The following PHF3 variants were observed in gnomAD, a reference collection of about 807,000 sequenced individuals.
The protein encoded by PHF3 is PHD finger protein 3.
PHF3 carries 41 observed loss-of-function variants against 178.4 expected under a neutral mutation model. The observed-to-expected ratio is 0.23, with a 90% CI of 0.18 to 0.30. The LOEUF is 0.30. Among genes scored for constraint, PHF3 ranks in the 10% least tolerant of loss-of-function variants. The probability of loss-of-function intolerance (pLI) is 1.00; values close to 1 mark genes in which losing one functional copy is unlikely to be tolerated. For synonymous variants in PHF3, 842 were observed against 800.5 expected, an observed-to-expected ratio of 1.05 and a Z score of -0.88; for missense variants, 2,346 against 2,398.1, an observed-to-expected ratio of 0.98 and a Z score of 0.45.
At position 63,724,516 on chromosome 6, in the gene PHF3, CAG is replaced by C. The variant is rs1300803905; in HGVS notation, c.*10810_*10811del. 6.6e-6 allele frequency among the ~76,000 whole-genome samples: 1 copy of C among 152,048 alleles called. No homozygotes were observed. The highest frequency in any genetic ancestry group is 1.5e-5 in the Non-Finnish European group (1 of 68,002). On this transcript the variant is annotated 3_prime_UTR_variant, in exon 16 of 16. Transcript: ENST00000262043. Reference sequence around the variant, plus strand: ...CACGTTGGGAGGATTATAACTATATCAGATGAATTCAGGCTTTGATTAATTTG... The same window carrying C: ...CACGTTGGGAGGATTATAACTATATCATGAATTCAGGCTTTGATTAATTTG...
At chr6:63,669,863 A>C (rs1765835027) in intron 2 of PHF3, among the ~76,000 whole-genome samples, 10 of 152,162 alleles carry the variant, frequency 6.6e-5, no homozygotes, top group Admixed American at 5.9e-4. Flanking sequence ...TACATATAAT[A>C]ATAATTTTTT....
At position 63,684,516 on chromosome 6, in the gene PHF3, T is replaced by C. The variant is rs751909821; in HGVS notation, c.794T>C (p.Ile265Thr). 5.6e-5 allele frequency: 91 copies of C among 1,613,258 alleles called. No individual in the cohort carries two copies. The highest frequency in any genetic ancestry group is 4.9e-4 in the Middle Eastern group (3 of 6,084). ...CSLLSETCVT[I>T]GEKKNEALME... ...CTTCTTTCAGAGACTTGTGTTACTA[T>C]TGGAGAAAAGAAAAATGAAGCTTTG... The change falls in exon 4 of 16, where the codon ATT (isoleucine) becomes ACT (threonine). Residue 265 changes from isoleucine to threonine, a missense_variant. Around this residue, in one of 8 missense-constraint regions of PHF3, gnomAD observed 843 missense variants for 795.2 expected, o/e 1.06. Transcript: ENST00000262043.
Position 63,712,005 on chromosome 6 carries a change from C to T in PHF3, c.4417C>T (p.Leu1473Phe). The T allele has an allele frequency of 6.2e-7, 1 of 1,613,680 alleles. No homozygotes were observed. Among genetic ancestry groups the T allele is most frequent in the East Asian group, 2.2e-5 (1 of 44,856 alleles). Residue 1473 changes from leucine (L) to phenylalanine (F), a missense_variant, in exon 16 of 16, where the codon CTT becomes TTT. Around this residue, in one of 8 missense-constraint regions of PHF3, gnomAD observed 839 missense variants for 806.9 expected, o/e 1.04. Transcript: ENST00000262043. ...PLPVDDILQS[L>F]LGTTGQVYDQ... ...TCCTGTGGATGATATACTTCAAAGC[C>T]TTTTGGGCACCACTGGTCAAGTATA...
At chr6:63,711,045 C>T in intron 14 of PHF3, 122 bp from the exon 15 acceptor site, 4 of 625,668 alleles carry the variant, frequency 6.4e-6, no homozygotes, top group African/African-American at 1.9e-5. Flanking sequence ...GTTGGTAAAC[C>T]ACGTTATTTG....
Position 63,717,848 on chromosome 6 carries a change from ATTAT to A in PHF3, c.*4145_*4148del, listed in dbSNP as rs1561991803. On this transcript the variant is annotated 3_prime_UTR_variant, in exon 16 of 16. Transcript: ENST00000262043. Reference sequence around the variant, plus strand: ...AAGTAATGATTTTTTTCAGGAACTTATTATTTATAAGGAGACCAAAAAGGTAAAT... The same window carrying A: ...AAGTAATGATTTTTTTCAGGAACTTATTATAAGGAGACCAAAAAGGTAAAT... Among the ~76,000 whole-genome samples the A allele has an allele frequency of 6.6e-6, 1 of 152,046 alleles. No individual in the cohort carries two copies. The highest frequency in any genetic ancestry group is 1.5e-5 in the Non-Finnish European group (1 of 67,892).
chr6:63,664,015 G>T (rs1004103586), intron 2 of PHF3, among the ~76,000 whole-genome samples: 1 of 151,954 alleles, frequency 6.6e-6, no homozygotes, highest in Non-Finnish European at 1.5e-5. Flanking sequence ...AGATTGAAAA[G>T]TGTCATTTTT....
chr6:63,709,585 G>T (rs1462175912), intron 14 of PHF3, among the ~76,000 whole-genome samples: 1 of 152,164 alleles, frequency 6.6e-6, no homozygotes, highest in African/African-American at 2.4e-5. Flanking sequence ...GCAAAAAAGA[G>T]AATCTAAAAT....
At chr6:63,643,823 G>A (rs780319949) in intron 1 of PHF3, among the ~76,000 whole-genome samples, 7 of 152,042 alleles carry the variant, frequency 4.6e-5, no homozygotes, top group Non-Finnish European at 7.4e-5. Context: ...AAAAAAAATC[G>A]ATCTTCAAGA....
In PHF3 at chr6:63,680,127, A is replaced by G. The variant is rs1766365330; in HGVS notation, c.372A>G (p.Arg124=). The change falls in exon 3 of 16, where the codon AGA becomes AGG. Residue 124 remains arginine (R), a synonymous_variant. Coordinates refer to ENST00000262043, the MANE Select transcript of PHF3 (RefSeq NM_001370348.2). Reference sequence around the variant, plus strand: ...ACAAGGTAGAAGAAAATTCAGTGAGATCTCCAAGAAAATCACCTCGTTTAA... The same window carrying G: ...ACAAGGTAGAAGAAAATTCAGTGAGGTCTCCAAGAAAATCACCTCGTTTAA... ...LRDKVEENSV[R]SPRKSPRLMA... is the part of the protein sequence containing the mutation. 1 of 1,609,638 alleles carries G rather than the reference A, an allele frequency of 6.2e-7. No homozygotes were observed. The highest frequency in any genetic ancestry group is 8.5e-7 in the Non-Finnish European group (1 of 1,178,400).
intron 2 of PHF3, among the ~76,000 whole-genome samples, chr6:63,670,870 T>G (rs938870697): frequency 3.9e-5 from 6 of 152,216 alleles, no homozygotes; most frequent in Admixed American, 6.5e-5. Context: ...TTTCCTGGGC[T>G]ACTACAAATT....
At chr6:63,688,088 G>T (rs1489144487) in intron 4 of PHF3, among the ~76,000 whole-genome samples, 2 of 150,498 alleles carry the variant, frequency 1.3e-5, no homozygotes, top group East Asian at 2.0e-4. Flanking sequence ...GGAGGCTGAG[G>T]CAGGGGAATG....
At chr6:63,661,871 G>C (rs1765478994) in intron 2 of PHF3, among the ~76,000 whole-genome samples, 1 of 152,204 alleles carries the variant, frequency 6.6e-6, no homozygotes, top group South Asian at 2.1e-4. Context: ...TAGAATAGGA[G>C]GCTGTTCTGC....
chr6:63,679,803 A>C, intron 2 of PHF3, 197 bp from the exon 3 acceptor site: 2 of 625,212 alleles, frequency 3.2e-6, no homozygotes, highest in South Asian at 3.0e-5. Context: ...TTACTTTACA[A>C]GGTGGAAGTT....
intron 2 of PHF3, among the ~76,000 whole-genome samples, chr6:63,676,044 T>C (rs190931914): frequency 6.6e-6 from 1 of 152,308 alleles, no homozygotes; most frequent in East Asian, 1.9e-4. Context: ...TGTCTGATCT[T>C]TTTCCTTCAT....
rs186370923 is a variant in PHF3 at position 63,684,750 on chromosome 6, A to G, written c.1028A>G (p.Asp343Gly). 1 of 1,614,002 alleles carries G rather than the reference A, an allele frequency of 6.2e-7. No homozygotes were observed. Among genetic ancestry groups the G allele is most frequent in the Admixed American group, 1.7e-5 (1 of 60,022 alleles). ...DHILEDAGSS[D>G]ISSDAACTNP... is the part of the protein sequence containing the mutation. ...ATTCTTGAGGACGCTGGATCTTCTG[A>G]TATTTCTAGTGATGCTGCTTGTACA... is the stretch of plus-strand genomic sequence containing the variant. Residue 343 changes from aspartate (D) to glycine (G), a missense_variant, in exon 4 of 16, where the codon GAT becomes GGT. Coordinates refer to ENST00000262043, the MANE Select transcript of PHF3 (RefSeq NM_001370348.2).
intron 2 of PHF3, 44 bp downstream of exon 2, chr6:63,646,839 T>C: frequency 1.6e-6 from 2 of 1,269,276 alleles, no homozygotes; most frequent in African/African-American, 3.1e-5. Context: ...AGTCTGCAAT[T>C]TAAAATAAAA....
intron 4 of PHF3, 152 bp downstream of exon 4, chr6:63,686,063 TAGAA>T: frequency 5.2e-6 from 3 of 580,192 alleles, no homozygotes; most frequent in Non-Finnish European, 9.0e-6. Flanking sequence ...GGATAAATGA[TAGAA>T]AGATGGATCT....
rs1290530058 is a variant in PHF3, at chr6:63,712,604, T to C, written c.5016T>C (p.Ser1672=). 6.2e-7 allele frequency: 1 copy of C among 1,613,780 alleles called. No individual in the cohort carries two copies. The highest frequency in any genetic ancestry group is 8.5e-7 in the Non-Finnish European group (1 of 1,179,926). The change falls in exon 16 of 16, where the codon AGT becomes AGC. Residue 1672 remains serine, a synonymous_variant. Transcript: ENST00000262043. ...VTTSESKDGD[S]CRNGEKHMLP... is the part of the protein sequence containing the mutation. Reference sequence around the variant, plus strand: ...CTTCAGAAAGCAAAGATGGAGATAGTTGCCGGAATGGAGAAAAACACATGC... The same window carrying C: ...CTTCAGAAAGCAAAGATGGAGATAGCTGCCGGAATGGAGAAAAACACATGC...
chr6:63,679,935 C>A, intron 2 of PHF3, 65 bp from the exon 3 acceptor site: 2 of 1,282,618 alleles, frequency 1.6e-6, no homozygotes, highest in Non-Finnish European at 2.3e-6. Context: ...ATTTTCTGTA[C>A]TGCCTTTAAT....
Sources: allele counts gnomAD v4.1 joint callset (sites outside exome capture counted in the v4.1 genomes callset), GRCh38; gene constraint gnomAD v4.1.1; regional missense constraint gnomAD v4.1.1; transcripts MANE v1.5; gene names NCBI Gene and HGNC (gene_info 2026-07-23, HGNC 2026-07-21).